The following ADGRL2 variants were observed in gnomAD, a reference collection of about 807,000 sequenced individuals.
ADGRL2 encodes the protein calcium-independent alpha-latrotoxin receptor 2.
In ADGRL2, 44 loss-of-function variants were observed where a neutral mutation model predicts 157.4. The observed-to-expected ratio is 0.28, with a 90% CI of 0.22 to 0.36. The LOEUF is 0.36. ADGRL2 is among the 10% of genes least tolerant of loss of function. ADGRL2 has a pLI of 1.00. For synonymous variants in ADGRL2, 585 were observed against 624.7 expected (o/e 0.94, Z 0.95); for missense variants, 1,510 against 1,768.9 (o/e 0.85, Z 2.63).
In ADGRL2 at chr1:81,642,813, G is replaced by A. The variant is rs993366496; in HGVS notation, c.-143+61833G>A. On this transcript the variant is annotated intron_variant, in intron 3 of 24. Transcript: ENST00000370721. ...AATATAATAATCACATGACATGAAC[G>A]GGTTAAGAAGAAAAATCCCATGATC... Among the ~76,000 whole-genome samples the A allele has an allele frequency of 3.3e-5, 5 of 151,970 alleles. 1 individual carries two copies. Among genetic ancestry groups the A allele is most frequent in the Non-Finnish European group, 7.4e-5 (5 of 67,996 alleles).
At chr1:81,468,295 A>G (rs1411499392) in intron 2 of ADGRL2, among the ~76,000 whole-genome samples, 4 of 152,164 alleles carry the variant, frequency 2.6e-5, no homozygotes, top group Non-Finnish European at 5.9e-5. Context: ...CCTTGTCCCT[A>G]GGTGCTGATA....
intron 2 of ADGRL2, among the ~76,000 whole-genome samples, chr1:81,874,629 CTTGT>C (rs2093784438): frequency 3.8e-5 from 4 of 104,018 alleles, no homozygotes; most frequent in South Asian, 4.5e-4. Flanking sequence ...CTTGTCTTGT[CTTGT>C]CTTGTCCTGT....
At chr1:81,802,068 C>G (rs2088265594) in intron 1 of ADGRL2, among the ~76,000 whole-genome samples, 1 of 150,198 alleles carries the variant, frequency 6.7e-6, no homozygotes, top group African/African-American at 2.4e-5. Context: ...CGTGTCCGGC[C>G]GGGGAGCTGC....
intron 3 of ADGRL2, chr1:81,596,472 T>C: frequency 4.4e-6 from 2 of 452,392 alleles, no homozygotes; most frequent in Admixed American, 4.9e-5. Flanking sequence ...CACCTCCGGC[T>C]CCAAGGGTGT....
At chr1:81,987,624 G>A (rs1222672570) in intron 22 of ADGRL2, among the ~76,000 whole-genome samples, 1 of 151,478 alleles carries the variant, frequency 6.6e-6, no homozygotes, top group Non-Finnish European at 1.5e-5. Flanking sequence ...ATATTACTAT[G>A]TTGTTTAATA....
At chr1:81,523,983 T>C (rs1347049419) in intron 2 of ADGRL2, among the ~76,000 whole-genome samples, 2 of 151,982 alleles carry the variant, frequency 1.3e-5, no homozygotes, top group Non-Finnish European at 2.9e-5. Flanking sequence ...GTGAACTGCT[T>C]GAACCCGGGA....
intron 2 of ADGRL2, among the ~76,000 whole-genome samples, chr1:81,517,201 G>A (rs1355114381): frequency 2.0e-5 from 3 of 151,916 alleles, no homozygotes; most frequent in South Asian, 2.1e-4. Context: ...GGCCGGGCAC[G>A]GTGGCTCACG....
rs71085369 is a variant in ADGRL2 at position 81,691,867 on chromosome 1, G to GGT, written c.-142-69931_-142-69930dup. Reference sequence around the variant, plus strand: ...GCAAAATGGCATATATATATATATGGGTGTGTGTGTGTGTATATATATATA... The same window carrying GGT: ...GCAAAATGGCATATATATATATATGGGTGTGTGTGTGTGTGTATATATATATA... On this transcript the variant is annotated intron_variant, in intron 3 of 24. Transcript: ENST00000370721. Among the ~76,000 whole-genome samples the GGT allele has an allele frequency of 1.1e-4, 14 of 130,718 alleles. 1 individual carries two copies. Among genetic ancestry groups the GGT allele is most frequent in the Non-Finnish European group, 1.5e-4 (9 of 61,816 alleles). The allele number at this position is 130,718 out of a possible 152,430, so 85.8% of individuals were successfully genotyped here.
At chr1:81,783,390 T>A (rs12081717) in intron 2 of ADGRL2, among the ~76,000 whole-genome samples, 28,042 of 152,040 alleles carry the variant, frequency 0.18, 2,732 homozygotes, top group African/African-American at 0.23. Context: ...TCGGCCTCTC[T>A]AACTGCTAGG....
Position 81,981,789 on chromosome 1 carries a change from G to C in ADGRL2, c.3114-19G>C. ...TTTGCTCATTGAACCTGTTAAAAAA[G>C]TTCACTTTATTTTTCCAGGTCTTGG... On this transcript the variant is annotated intron_variant, in intron 18 of 23. Transcript: ENST00000686636. 6.3e-7 allele frequency: 1 copy of C among 1,596,488 alleles called. No homozygotes were observed. The highest frequency in any genetic ancestry group is 8.5e-7 in the Non-Finnish European group (1 of 1,173,698).
At chr1:81,755,219 T>G (rs1284094141) in intron 1 of ADGRL2, among the ~76,000 whole-genome samples, 3 of 43,452 alleles carry the variant, frequency 6.9e-5, no homozygotes, top group African/African-American at 2.6e-4. Flanking sequence ...TATATGAAGA[T>G]ATATACATAT....
At chr1:81,694,885 T>G (rs998082786), upstream of ADGRL2, among the ~76,000 whole-genome samples, 3 of 152,186 alleles carry the variant, frequency 2.0e-5, no homozygotes, top group African/African-American at 7.2e-5. Context: ...TTGTGAATCT[T>G]AAATAAGCAC....
chr1:81,606,773 T>TGC (rs940813050), intron 3 of ADGRL2, among the ~76,000 whole-genome samples: 4,713 of 115,694 alleles, frequency 0.041, 169 homozygotes, highest in African/African-American at 0.079. Context: ...TGTGTGTGTG[T>TGC]GCGCACGCGT....
intron 3 of ADGRL2, among the ~76,000 whole-genome samples, chr1:81,611,208 T>C (rs2081534487): frequency 6.6e-6 from 1 of 152,160 alleles, no homozygotes; most frequent in South Asian, 2.1e-4. Context: ...GAAGCCCTAC[T>C]AGAACAGTCA....
intron 18 of ADGRL2, chr1:81,980,866 T>C: frequency 1.5e-6 from 1 of 652,396 alleles, no homozygotes; most frequent in Non-Finnish European, 2.9e-6. Flanking sequence ...CATTAACAAA[T>C]TTATGGCATG....
chr1:81,329,105 T>C (rs1405413815), intron 1 of ADGRL2, among the ~76,000 whole-genome samples: 1 of 152,106 alleles, frequency 6.6e-6, no homozygotes, highest in East Asian at 1.9e-4. Flanking sequence ...TTATAAGCCA[T>C]CCATGTTCCC....
intron 3 of ADGRL2, chr1:81,596,265 C>T (rs2081231241): frequency 2.8e-5 from 16 of 575,984 alleles, no homozygotes; most frequent in Middle Eastern, 5.3e-4. Flanking sequence ...GATTCTCATC[C>T]CGAAATGATC....
At chr1:81,467,552 C>G (rs1352710116) in intron 2 of ADGRL2, among the ~76,000 whole-genome samples, 2 of 152,168 alleles carry the variant, frequency 1.3e-5, no homozygotes, top group Non-Finnish European at 2.9e-5. Flanking sequence ...GTCTCAAACC[C>G]TTGCATGCAG....
At position 81,315,431 on chromosome 1, in the gene ADGRL2, G is replaced by A. The variant is rs183987592; in HGVS notation, c.-302+8922G>A. Among the ~76,000 whole-genome samples, 27 of 152,100 alleles carry A rather than the reference G, an allele frequency of 1.8e-4. No homozygotes were observed. The East Asian group carries it at 5.2e-3, about 29-fold the overall frequency. On this transcript the variant is annotated intron_variant, in intron 1 of 24. Transcript: ENST00000370721. ...ACTTCAGTTAATACCTCTTACCACTGGGGGTCTTTTATAATGTCATTTGGT... is the reference window on the plus strand; with the variant it reads ...ACTTCAGTTAATACCTCTTACCACTAGGGGTCTTTTATAATGTCATTTGGT...
Sources: gnomAD v4.1 joint callset for allele counts (sites outside exome capture counted in the v4.1 genomes callset) on GRCh38, gnomAD v4.1.1 for gene constraint, MANE v1.5 for transcripts, NCBI Gene and HGNC (gene_info 2026-07-23, HGNC 2026-07-21) for gene names.